RANBP2: variants seen among roughly 807,000 people sequenced by gnomAD.
The protein encoded by RANBP2 is E3 SUMO-protein ligase RanBP2.
RANBP2 carries 57 observed loss-of-function variants against 303.6 expected under a neutral mutation model. The ratio of observed to expected loss-of-function variants is 0.19; its 90% CI spans 0.15 to 0.23. The LOEUF (loss-of-function observed/expected upper bound fraction) is 0.23. Ranked by LOEUF, RANBP2 falls within the 10% of genes least tolerant of loss-of-function variation. RANBP2 has a pLI of 1.00. For missense variants in RANBP2, 3,138 were observed against 3,780.8 expected, an observed-to-expected ratio of 0.83 and a Z score of 4.46; for synonymous variants, 1,167 against 1,301.5, an observed-to-expected ratio of 0.90 and a Z score of 2.23.
At chr2:109,325,220 A>G in the RANBP2 span, among the ~76,000 whole-genome samples, 1 of 151,560 alleles carries the variant, frequency 6.6e-6, no homozygotes, top group Non-Finnish European at 1.5e-5. Context: ...TCCAGCTGGC[A>G]TGGCTGGAGT....
At chr2:109,672,611 T>A in the RANBP2 span, among the ~76,000 whole-genome samples, 3 of 152,250 alleles carry the variant, frequency 2.0e-5, no homozygotes, top group Admixed American at 6.5e-5. Context: ...ACTGTTTTTT[T>A]AAGGGATTTC....
chr2:108,782,918 A>T, intron 28 of RANBP2, 56 bp downstream of exon 28: 2 of 1,459,754 alleles, frequency 1.4e-6, no homozygotes, highest in East Asian at 4.5e-5. Context: ...CACCACACTA[A>T]TGGGAAATTT....
the RANBP2 span, among the ~76,000 whole-genome samples, chr2:109,205,480 C>T: frequency 7.2e-5 from 11 of 152,256 alleles, no homozygotes; most frequent in Admixed American, 2.0e-4. Context: ...GAACTCCTGA[C>T]CTCAAGTGAT....
Position 108,767,594 on chromosome 2 carries a change from G to A in RANBP2, c.7055G>A (p.Arg2352Lys), listed in dbSNP as rs757214382. 5 of 1,611,838 alleles carry A rather than the reference G, an allele frequency of 3.1e-6. No individual in the cohort carries two copies. The highest frequency in any genetic ancestry group is 2.2e-5 in the South Asian group (2 of 90,990). The change falls in exon 20 of 29, where the codon AGG becomes AAG. Residue 2352 changes from arginine to lysine, a missense_variant. By Grantham distance (26) the Arg-to-Lys change is conservative. Around this residue, in one of 20 missense-constraint regions of RANBP2, gnomAD observed 92 missense variants for 211.0 expected, o/e 0.44. Coordinates refer to ENST00000283195, the MANE Select transcript of RANBP2 (RefSeq NM_006267.5). ...AAAGATGTTGGTCAATGGAAAGAAA[G>A]GGGCATTGGTGATATAAAGATTTTA... ...YDKDVGQWKE[R>K]GIGDIKILQN...
In RANBP2 at chr2:108,768,295, G is replaced by A. The variant is rs544396243; in HGVS notation, c.7756G>A (p.Glu2586Lys). 2.5e-5 allele frequency: 40 copies of A among 1,611,926 alleles called. No individual in the cohort carries two copies. The African/African-American group carries it at 3.2e-4, about 13-fold the overall frequency. ...KCELSKNSDI[E>K]QSSDSKVKNL... is the part of the protein sequence containing the mutation. Reference sequence around the variant, plus strand: ...TGAACTGTCAAAGAACTCTGATATCGAACAGTCTTCAGATAGCAAAGTCAA... The same window carrying A: ...TGAACTGTCAAAGAACTCTGATATCAAACAGTCTTCAGATAGCAAAGTCAA... Residue 2586 changes from glutamate (E) to lysine (K), a missense_variant, in exon 20 of 29, where the codon GAA becomes AAA. Around this residue, in one of 20 missense-constraint regions of RANBP2, gnomAD observed 497 missense variants for 465.8 expected, o/e 1.07. Transcript: ENST00000283195.
chr2:109,266,821 C>T, the RANBP2 span, among the ~76,000 whole-genome samples: 1 of 152,102 alleles, frequency 6.6e-6, no homozygotes, highest in Non-Finnish European at 1.5e-5. Context: ...AGGGAGTCAC[C>T]TCATGTTATT....
the RANBP2 span, among the ~76,000 whole-genome samples, chr2:109,563,636 A>G: frequency 6.6e-6 from 1 of 152,206 alleles, no homozygotes; most frequent in African/African-American, 2.4e-5. Flanking sequence ...TTAATGCTTT[A>G]TATTACTGAG....
the RANBP2 span, among the ~76,000 whole-genome samples, chr2:109,075,025 CAAAAAAAA>C: frequency 6.7e-5 from 3 of 44,636 alleles, no homozygotes; most frequent in Non-Finnish European, 1.2e-4. Flanking sequence ...GTCTCCATCT[CAAAAAAAA>C]AAAAAAAAAA....
the RANBP2 span, among the ~76,000 whole-genome samples, chr2:109,597,516 C>T: frequency 1.3e-5 from 2 of 152,200 alleles, no homozygotes; most frequent in African/African-American, 2.4e-5. Flanking sequence ...TAGGTGACCA[C>T]AATCTCGTTT....
At chr2:108,794,562 C>G in the RANBP2 span, 2 of 1,610,680 alleles carry the variant, frequency 1.2e-6, no homozygotes, top group Non-Finnish European at 1.7e-6. Flanking sequence ...CTAATACGAC[C>G]TCATCGAGAC....
At position 108,764,784 on chromosome 2, in the gene RANBP2, A is replaced by G. The variant is rs1361890438; in HGVS notation, c.4245A>G (p.Lys1415=). 6.8e-6 allele frequency: 11 copies of G among 1,613,950 alleles called. No homozygotes were observed. Among genetic ancestry groups the G allele is most frequent in the East Asian group, 2.2e-5 (1 of 44,892 alleles). The part of the protein sequence containing the change: ...QDRFALVTPK[K]EGHWDCSICL... Reference sequence around the variant, plus strand: ...GATTTGCATTGGTGACTCCAAAGAAAGAAGGTCACTGGGATTGTAGTATTT... The same window carrying G: ...GATTTGCATTGGTGACTCCAAAGAAGGAAGGTCACTGGGATTGTAGTATTT... Residue 1415 remains lysine (K), a synonymous_variant, in exon 20 of 29, where the codon AAA becomes AAG. Transcript: ENST00000283195.
the RANBP2 span, chr2:108,856,650 T>A: frequency 4.3e-6 from 3 of 700,352 alleles, no homozygotes; most frequent in Non-Finnish European, 7.1e-6. Context: ...TCAGTTAGAA[T>A]CTAAATTTAG....
At chr2:109,061,668 G>A in the RANBP2 span, among the ~76,000 whole-genome samples, 1 of 152,158 alleles carries the variant, frequency 6.6e-6, no homozygotes, top group African/African-American at 2.4e-5. Flanking sequence ...ATATTCCTCA[G>A]TTCATAGTAG....
the RANBP2 span, among the ~76,000 whole-genome samples, chr2:109,650,327 C>T: frequency 3.3e-5 from 5 of 152,116 alleles, no homozygotes; most frequent in Non-Finnish European, 4.4e-5. Context: ...TGCAGGAAGC[C>T]GCTAGTCTCC....
the RANBP2 span, among the ~76,000 whole-genome samples, chr2:109,346,819 A>T: frequency 2.0e-5 from 3 of 152,214 alleles, no homozygotes; most frequent in Non-Finnish European, 4.4e-5. Context: ...CCTCTGACGG[A>T]TACAAGAACA....
chr2:109,047,254 C>T, the RANBP2 span, among the ~76,000 whole-genome samples: 1 of 152,208 alleles, frequency 6.6e-6, no homozygotes, highest in Non-Finnish European at 1.5e-5. Flanking sequence ...CCTAGTCCCC[C>T]ACTGCTGTGC....
chr2:109,321,135 A>T, the RANBP2 span, among the ~76,000 whole-genome samples: 1 of 151,928 alleles, frequency 6.6e-6, no homozygotes, highest in Non-Finnish European at 1.5e-5. Flanking sequence ...CGGACACACA[A>T]GACGCCATGT....
the RANBP2 span, among the ~76,000 whole-genome samples, chr2:109,184,704 C>T: frequency 6.6e-6 from 1 of 152,206 alleles, no homozygotes; most frequent in Non-Finnish European, 1.5e-5. Context: ...CAGGAAGCAG[C>T]CTCTCCAAGT....
chr2:109,564,930 A>C, the RANBP2 span, among the ~76,000 whole-genome samples: 2 of 152,214 alleles, frequency 1.3e-5, no homozygotes, highest in African/African-American at 2.4e-5. Flanking sequence ...CTAAAACTTC[A>C]AAGTAGTAAA....
Sources: gnomAD v4.1 joint callset for allele counts (sites outside exome capture counted in the v4.1 genomes callset) on GRCh38, gnomAD v4.1.1 for gene constraint, gnomAD v4.1.1 regional missense constraint, MANE v1.5 for transcripts, NCBI Gene and HGNC (gene_info 2026-07-23, HGNC 2026-07-21) for gene names.